Variants in ZNG1E observed in about 807,000 individuals in gnomAD.
The protein encoded by ZNG1E is zinc-regulated GTPase metalloprotein activator 1E.
At chr9:65,681,267 C>T in the ZNG1E span, among the ~76,000 whole-genome samples, 1 of 151,848 alleles carries the variant, frequency 6.6e-6, no homozygotes, top group Non-Finnish European at 1.5e-5. Context: ...AGAAAGTTTA[C>T]CCTGGACAAG....
chr9:65,715,216 C>CT, the ZNG1E span, among the ~76,000 whole-genome samples: 9 of 146,488 alleles, frequency 6.1e-5, no homozygotes, highest in Admixed American at 1.4e-4. Flanking sequence ...CCCTGACCCC[C>CT]GTGCTTCCCA....
At chr9:65,702,368 G>A in the ZNG1E span, among the ~76,000 whole-genome samples, 2 of 151,582 alleles carry the variant, frequency 1.3e-5, no homozygotes. Flanking sequence ...GTACTTTTTG[G>A]TGCCATACAA....
chr9:65,665,473 A>G, the ZNG1E span, among the ~76,000 whole-genome samples: 4 of 152,362 alleles, frequency 2.6e-5, no homozygotes, highest in African/African-American at 7.2e-5. Flanking sequence ...CCGCCTAGAT[A>G]TCAGAAGATG....
chr9:65,658,358 T>C, the ZNG1E span, among the ~76,000 whole-genome samples: 136 of 151,866 alleles, frequency 9.0e-4, no homozygotes, highest in South Asian at 0.025. Flanking sequence ...GTTTGGATGA[T>C]AAATTTGAGC....
the ZNG1E span, among the ~76,000 whole-genome samples, chr9:65,714,071 C>G: frequency 1.7e-4 from 25 of 149,454 alleles, no homozygotes; most frequent in Non-Finnish European, 3.0e-4. Flanking sequence ...ATTCTTTTTT[C>G]TCTAAACTTC....
chr9:65,660,890 A>G, the ZNG1E span, among the ~76,000 whole-genome samples: 11 of 146,186 alleles, frequency 7.5e-5, no homozygotes, highest in South Asian at 2.4e-3. Flanking sequence ...ATACATAAAC[A>G]AACTCAAGTG....
chr9:65,663,059 C>A, the ZNG1E span, among the ~76,000 whole-genome samples: 1 of 152,252 alleles, frequency 6.6e-6, no homozygotes, highest in African/African-American at 2.4e-5. Context: ...AGGACACCAG[C>A]CAGGTAGGGC....
the ZNG1E span, chr9:65,691,013 T>C: frequency 6.2e-7 from 1 of 1,604,172 alleles, no homozygotes; most frequent in Non-Finnish European, 8.5e-7. Flanking sequence ...TAGGGAGTGA[T>C]ATTTACCTTG....
chr9:65,658,623 C>A, the ZNG1E span, among the ~76,000 whole-genome samples: 4,804 of 144,772 alleles, frequency 0.033, no homozygotes, highest in Admixed American at 0.053. Flanking sequence ...TCCCAAGGCA[C>A]ATTATTTGTG....
the ZNG1E span, among the ~76,000 whole-genome samples, chr9:65,667,276 A>G: frequency 6.6e-6 from 1 of 152,112 alleles, no homozygotes; most frequent in East Asian, 1.9e-4. Context: ...CCAAAAACTC[A>G]TTAACCACAA....
At chr9:65,709,317 T>A in the ZNG1E span, among the ~76,000 whole-genome samples, 1 of 151,498 alleles carries the variant, frequency 6.6e-6, no homozygotes, top group Non-Finnish European at 1.5e-5. Flanking sequence ...TATTTTTTTA[T>A]TTTTTATTTT....
the ZNG1E span, among the ~76,000 whole-genome samples, chr9:65,709,973 G>C: frequency 6.6e-6 from 1 of 150,444 alleles, no homozygotes; most frequent in Non-Finnish European, 1.5e-5. Context: ...CCCGCCAACA[G>C]TGTAAAAGTG....
At chr9:65,723,906 G>GA in the ZNG1E span, among the ~76,000 whole-genome samples, 19 of 104,694 alleles carry the variant, frequency 1.8e-4, no homozygotes, top group African/African-American at 6.7e-4. Context: ...ACAAAAACTG[G>GA]AAAAAAAAAG....
the ZNG1E span, among the ~76,000 whole-genome samples, chr9:65,720,977 A>AG: frequency 6.7e-6 from 1 of 148,178 alleles, no homozygotes; most frequent in African/African-American, 2.6e-5. Context: ...TATGGTAAAA[A>AG]AAAAAAAAAA....
At chr9:65,669,695 C>A in the ZNG1E span, among the ~76,000 whole-genome samples, 2 of 150,650 alleles carry the variant, frequency 1.3e-5, no homozygotes, top group Admixed American at 6.6e-5. Context: ...TTATTAATAG[C>A]ATGGTTTAAC....
chr9:65,722,684 C>G, the ZNG1E span, among the ~76,000 whole-genome samples: 1 of 63,756 alleles, frequency 1.6e-5, no homozygotes, highest in African/African-American at 6.2e-5. Flanking sequence ...GCATGTACCA[C>G]CATGCCTAGC....
the ZNG1E span, among the ~76,000 whole-genome samples, chr9:65,688,077 C>T: frequency 3.3e-5 from 5 of 151,574 alleles, no homozygotes; most frequent in South Asian, 4.2e-4. Context: ...TTTACCTTTG[C>T]ATTTACTGTG....
the ZNG1E span, chr9:65,703,876 T>C: frequency 9.4e-6 from 9 of 961,434 alleles, no homozygotes; most frequent in Non-Finnish European, 1.1e-5. Flanking sequence ...GTATGCATTC[T>C]CAGGAGCCGC....
chr9:65,662,899 G>A, the ZNG1E span, among the ~76,000 whole-genome samples: 3 of 151,894 alleles, frequency 2.0e-5, no homozygotes, highest in African/African-American at 7.3e-5. Flanking sequence ...TATAGGTCAC[G>A]ATGTTATTTG....
Sources: allele counts gnomAD v4.1 joint callset (sites outside exome capture counted in the v4.1 genomes callset), GRCh38; gene constraint gnomAD v4.1.1; transcripts MANE v1.5; gene names NCBI Gene and HGNC (gene_info 2026-07-23, HGNC 2026-07-21).